The following CNTNAP5 variants were observed in gnomAD, a reference collection of about 807,000 sequenced individuals.
CNTNAP5 encodes the protein contactin-associated protein-like 5.
A neutral mutation model predicts 150.2 loss-of-function variants in CNTNAP5; 72 were observed. That is an observed-to-expected ratio of 0.48 (90% CI 0.40 to 0.58). CNTNAP5 has a LOEUF of 0.58. CNTNAP5 is among the 20% of genes least tolerant of loss of function. The pLI is 0.00. For missense variants in CNTNAP5, 1,636 were observed against 1,626.2 expected (o/e 1.01, Z -0.10); for synonymous variants, 672 against 619.8 (o/e 1.08, Z -1.25).
Position 124,534,321 on chromosome 2 carries a change from G to A in CNTNAP5, c.1649+6865G>A, listed in dbSNP as rs1695181274. ...AAGTGAAAGCAAGTTTATTAAGAAA[G>A]TAAAGGAATAGAAAAATGGCTACTC... On this transcript the variant is annotated intron_variant, in intron 10 of 23. Coordinates refer to ENST00000682447, the MANE Select transcript of CNTNAP5 (RefSeq NM_001367498.1). 2.6e-5 allele frequency among the ~76,000 whole-genome samples: 4 copies of A among 152,114 alleles called. No individual in the cohort carries two copies. In the South Asian group the frequency reaches 8.3e-4, roughly 32 times the overall value.
intron 5 of CNTNAP5, among the ~76,000 whole-genome samples, chr2:124,441,586 T>C (rs1013613128): frequency 6.6e-5 from 10 of 152,178 alleles, no homozygotes; most frequent in African/African-American, 2.4e-4. Flanking sequence ...CAGTCACTAC[T>C]GAGTATACTT....
intron 14 of CNTNAP5, 148 bp from the exon 15 acceptor site, chr2:124,763,524 T>C: frequency 3.0e-6 from 2 of 655,884 alleles, no homozygotes; most frequent in Non-Finnish European, 5.2e-6. Context: ...CACATACACT[T>C]AGGCGATGAA....
chr2:124,403,612 T>C (rs1312270704), intron 3 of CNTNAP5, among the ~76,000 whole-genome samples: 6 of 152,220 alleles, frequency 3.9e-5, no homozygotes, highest in Admixed American at 3.3e-4. Flanking sequence ...TAAGAAATAC[T>C]GTGCTCCATG....
At chr2:124,911,174 T>C (rs1400497023) in intron 22 of CNTNAP5, among the ~76,000 whole-genome samples, 1 of 151,740 alleles carries the variant, frequency 6.6e-6, no homozygotes, top group African/African-American at 2.4e-5. Flanking sequence ...CAGGGGACAT[T>C]AGGAGCAGGG....
chr2:124,559,784 T>A (rs965219459), intron 10 of CNTNAP5, among the ~76,000 whole-genome samples: 2 of 152,216 alleles, frequency 1.3e-5, no homozygotes, highest in Non-Finnish European at 2.9e-5. Context: ...CTGCCCCTTT[T>A]AAATAAGAAA....
chr2:124,583,061 T>C (rs1696450581), intron 11 of CNTNAP5, among the ~76,000 whole-genome samples: 1 of 152,166 alleles, frequency 6.6e-6, no homozygotes, highest in Non-Finnish European at 1.5e-5. Flanking sequence ...TGTGATTGAA[T>C]TGGGGATATC....
At chr2:124,703,100 TTCC>T (rs1251640230) in intron 13 of CNTNAP5, among the ~76,000 whole-genome samples, 4 of 143,284 alleles carry the variant, frequency 2.8e-5, no homozygotes, top group Non-Finnish European at 6.0e-5. Flanking sequence ...TCAGCTTTCC[TTCC>T]TTCCTTCCTC....
At chr2:124,175,951 C>T (rs1182316908) in intron 1 of CNTNAP5, among the ~76,000 whole-genome samples, 1 of 152,110 alleles carries the variant, frequency 6.6e-6, no homozygotes, top group African/African-American at 2.4e-5. Context: ...TCATTTGGGT[C>T]TATATGTGGT....
At chr2:124,549,343 G>A (rs563859423) in intron 10 of CNTNAP5, among the ~76,000 whole-genome samples, 12 of 152,142 alleles carry the variant, frequency 7.9e-5, no homozygotes, top group Non-Finnish European at 1.6e-4. Flanking sequence ...ATTATAACCT[G>A]TGTCCTTTTT....
intron 19 of CNTNAP5, among the ~76,000 whole-genome samples, chr2:124,819,314 C>A (rs148930584): frequency 1.3e-3 from 192 of 152,120 alleles, no homozygotes; most frequent in African/African-American, 4.6e-3. Flanking sequence ...GATTGAAAGT[C>A]TGGTTTAGCT....
chr2:124,747,601 G>T (rs543075105), intron 14 of CNTNAP5, among the ~76,000 whole-genome samples: 25 of 143,312 alleles, frequency 1.7e-4, no homozygotes, highest in Non-Finnish European at 3.4e-4. Flanking sequence ...CATACCATCA[G>T]CTGCTGCTTC....
At chr2:124,083,495 C>G (rs537481249) in intron 1 of CNTNAP5, among the ~76,000 whole-genome samples, 9 of 152,202 alleles carry the variant, frequency 5.9e-5, no homozygotes, top group Non-Finnish European at 8.8e-5. Context: ...ATTATGCACT[C>G]TTTGTCTAGT....
At chr2:124,688,613 T>C (rs17011873) in intron 13 of CNTNAP5, among the ~76,000 whole-genome samples, 39,543 of 151,924 alleles carry the variant, frequency 0.26, 6,170 homozygotes, top group African/African-American at 0.44. Context: ...CATTGTACGA[T>C]TGGAAATACT....
At chr2:124,191,283 C>T (rs1319714140) in intron 1 of CNTNAP5, among the ~76,000 whole-genome samples, 1 of 152,160 alleles carries the variant, frequency 6.6e-6, no homozygotes, top group East Asian at 1.9e-4. Flanking sequence ...TGGAGAAGAT[C>T]TCAAAGGATG....
intron 3 of CNTNAP5, among the ~76,000 whole-genome samples, chr2:124,372,615 G>A (rs950639632): frequency 6.6e-6 from 1 of 152,042 alleles, no homozygotes; most frequent in Admixed American, 6.6e-5. Flanking sequence ...TGGACCTATG[G>A]ATGGTAGCAG....
intron 12 of CNTNAP5, among the ~76,000 whole-genome samples, chr2:124,612,632 T>C (rs1292517584): frequency 6.6e-6 from 1 of 152,192 alleles, no homozygotes; most frequent in Non-Finnish European, 1.5e-5. Flanking sequence ...TCAGAGCCTC[T>C]GAATTGTGTC....
rs1156572769 is a variant in CNTNAP5, at chr2:124,919,276, ATAAT to A, written c.*4992_*4995del. Reference sequence around the variant, plus strand: ...TTTGAATCCTTCATATAAGGTTTTAATAATTAACCGGTTTGCTATTTTTCAGTGA... The same window carrying A: ...TTTGAATCCTTCATATAAGGTTTTAATAACCGGTTTGCTATTTTTCAGTGA... On this transcript the variant is annotated 3_prime_UTR_variant, in exon 24 of 24. Transcript: ENST00000682447. 6.6e-6 allele frequency among the ~76,000 whole-genome samples: 1 copy of A among 152,120 alleles called. No homozygotes were observed. Among genetic ancestry groups the A allele is most frequent in the Non-Finnish European group, 1.5e-5 (1 of 68,006 alleles).
intron 1 of CNTNAP5, among the ~76,000 whole-genome samples, chr2:124,168,511 G>T (rs1684858006): frequency 6.6e-6 from 1 of 152,188 alleles, no homozygotes; most frequent in Admixed American, 6.5e-5. Context: ...TGTTAAGAAA[G>T]AGTTGGAGCA....
intron 3 of CNTNAP5, among the ~76,000 whole-genome samples, chr2:124,333,659 A>G (rs1338918695): frequency 6.6e-6 from 1 of 152,150 alleles, no homozygotes; most frequent in African/African-American, 2.4e-5. Context: ...TCAAAGACCA[A>G]TTTTGTTAGA....
Sources: allele counts gnomAD v4.1 joint callset (sites outside exome capture counted in the v4.1 genomes callset), GRCh38; gene constraint gnomAD v4.1.1; transcripts MANE v1.5; gene names NCBI Gene and HGNC (gene_info 2026-07-23, HGNC 2026-07-21).